The following CALCR variants were observed in gnomAD, a reference collection of about 807,000 sequenced individuals.
CALCR encodes the protein calcitonin receptor.
In CALCR, 47 loss-of-function variants were observed where a neutral mutation model predicts 59.5. That is an observed-to-expected ratio of 0.79 (90% CI 0.63 to 1.01). The LOEUF (loss-of-function observed/expected upper bound fraction) is 1.01, where lower values mean the gene tolerates loss of function less well. CALCR is among the 50% of genes least tolerant of loss of function. The probability of loss-of-function intolerance (pLI) is 0.00; values close to 1 mark genes in which losing one functional copy is unlikely to be tolerated. For synonymous variants in CALCR, 213 were observed against 211.3 expected, an observed-to-expected ratio of 1.01 and a Z score of -0.07; for missense variants, 566 against 597.1, an observed-to-expected ratio of 0.95 and a Z score of 0.54.
At chr7:93,573,960 G>A (rs559957607) in intron 2 of CALCR, among the ~76,000 whole-genome samples, 1 of 151,982 alleles carries the variant, frequency 6.6e-6, no homozygotes, top group Non-Finnish European at 1.5e-5. Flanking sequence ...TTTAACCTCC[G>A]TAATTTTCCT....
At chr7:93,492,777 T>C (rs536826698) in intron 2 of CALCR, among the ~76,000 whole-genome samples, 1 of 151,450 alleles carries the variant, frequency 6.6e-6, no homozygotes, top group East Asian at 1.9e-4. Flanking sequence ...ATAAGATGGT[T>C]ATATAATTTT....
chr7:93,432,594 A>AC (rs1290324610), intron 13 of CALCR, among the ~76,000 whole-genome samples: 1 of 152,192 alleles, frequency 6.6e-6, no homozygotes, highest in Non-Finnish European at 1.5e-5. Context: ...TGAACTCGAG[A>AC]CATTCAATTG....
At chr7:93,559,641 T>C (rs574329269) in intron 2 of CALCR, 6 of 152,050 alleles carry the variant, frequency 3.9e-5, no homozygotes, top group African/African-American at 4.8e-5. Flanking sequence ...ATATTTCTAC[T>C]CATTACTTTT....
intron 13 of CALCR, among the ~76,000 whole-genome samples, chr7:93,427,505 C>A (rs980809384): frequency 6.6e-6 from 1 of 152,170 alleles, no homozygotes; most frequent in African/African-American, 2.4e-5. Flanking sequence ...ATATTTGCAT[C>A]AATTTATGAT....
chr7:93,480,950 A>C (rs896361019), intron 3 of CALCR, among the ~76,000 whole-genome samples: 6 of 151,876 alleles, frequency 4.0e-5, no homozygotes, highest in Non-Finnish European at 7.4e-5. Flanking sequence ...TAAGAAGGTC[A>C]GGACTTTGCT....
intron 9 of CALCR, 126 bp downstream of exon 9, chr7:93,443,478 G>A: frequency 1.2e-6 from 1 of 831,932 alleles, no homozygotes; most frequent in Non-Finnish European, 1.9e-6. Context: ...GCCAGTACCT[G>A]TGTTCCATCA....
At chr7:93,526,394 AGG>A (rs1164943461) in intron 2 of CALCR, among the ~76,000 whole-genome samples, 1 of 152,060 alleles carries the variant, frequency 6.6e-6, no homozygotes, top group African/African-American at 2.4e-5. Context: ...ATAGCAAAGA[AGG>A]GGGGAAAAGG....
chr7:93,449,012 C>A (rs984521306), intron 8 of CALCR, among the ~76,000 whole-genome samples: 2 of 151,904 alleles, frequency 1.3e-5, no homozygotes, highest in Non-Finnish European at 2.9e-5. Context: ...ACCCACTATA[C>A]AAACATATTA....
chr7:93,462,231 T>A (rs2115814616), intron 7 of CALCR: 4 of 550,168 alleles, frequency 7.3e-6, no homozygotes, highest in Non-Finnish European at 9.4e-6. Flanking sequence ...ATAATATTTT[T>A]AAAAATTTAA....
At chr7:93,462,599 T>C (rs1800359138) in intron 7 of CALCR, among the ~76,000 whole-genome samples, 1 of 152,116 alleles carries the variant, frequency 6.6e-6, no homozygotes, top group African/African-American at 2.4e-5. Flanking sequence ...GGATTCATTG[T>C]TTAATTCAGC....
chr7:93,455,273 T>C (rs1800187670), intron 8 of CALCR, among the ~76,000 whole-genome samples: 1 of 152,036 alleles, frequency 6.6e-6, no homozygotes, highest in Non-Finnish European at 1.5e-5. Context: ...ACAGATGACA[T>C]GCTGATAGAT....
intron 2 of CALCR, among the ~76,000 whole-genome samples, chr7:93,499,030 T>C (rs559738314): frequency 6.6e-6 from 1 of 151,818 alleles, no homozygotes; most frequent in South Asian, 2.1e-4. Flanking sequence ...CATGTTACTA[T>C]ATCTTTCTGG....
intron 2 of CALCR, among the ~76,000 whole-genome samples, chr7:93,550,598 A>ACACACAC (rs1789427643): frequency 8.2e-6 from 1 of 121,850 alleles, no homozygotes; most frequent in Non-Finnish European, 1.8e-5. Context: ...ATTTGGGCTA[A>ACACACAC]ACACACACAC....
Position 93,472,432 on chromosome 7 carries a change from G to A in CALCR, c.372C>T (p.Asn124=). 1.2e-6 allele frequency: 2 copies of A among 1,610,694 alleles called. No homozygotes were observed. The highest frequency in any genetic ancestry group is 1.7e-6 in the Non-Finnish European group (2 of 1,177,756). The change falls in exon 6 of 14, where the codon AAC becomes AAT. Residue 124 remains asparagine (N), a synonymous_variant. Transcript: ENST00000426151. ...EKGVWFKHPE[N]NRTWSNYTMC... is the part of the protein sequence containing the mutation. ...TAGTATAGTTGGACCAGGTTCGATTGTTTTCAGGATGTTTAAACCAAACAC... is the reference window on the plus strand; with the variant it reads ...TAGTATAGTTGGACCAGGTTCGATTATTTTCAGGATGTTTAAACCAAACAC...
At chr7:93,542,693 A>G (rs1476847660) in intron 2 of CALCR, among the ~76,000 whole-genome samples, 1 of 131,896 alleles carries the variant, frequency 7.6e-6, no homozygotes, top group Non-Finnish European at 1.8e-5. Flanking sequence ...ACATTTGTAC[A>G]AAAATATTTT....
intron 2 of CALCR, among the ~76,000 whole-genome samples, chr7:93,569,280 C>T (rs541079815): frequency 7.2e-5 from 11 of 152,118 alleles, no homozygotes; most frequent in African/African-American, 9.7e-5. Flanking sequence ...AAGGACCCCC[C>T]ACTATCTTCC....
chr7:93,504,937 C>T (rs1001649712), intron 2 of CALCR, among the ~76,000 whole-genome samples: 1 of 152,238 alleles, frequency 6.6e-6, no homozygotes, highest in East Asian at 1.9e-4. Flanking sequence ...CTCACCTCCT[C>T]TCTGAAGATG....
At chr7:93,428,736 G>C (rs1740829156) in intron 13 of CALCR, among the ~76,000 whole-genome samples, 1 of 147,272 alleles carries the variant, frequency 6.8e-6, no homozygotes, top group Non-Finnish European at 1.5e-5. Context: ...GCAGTGAGCC[G>C]AGATCATGCC....
At chr7:93,527,138 C>T (rs932063912) in intron 2 of CALCR, among the ~76,000 whole-genome samples, 3 of 151,790 alleles carry the variant, frequency 2.0e-5, no homozygotes, top group Non-Finnish European at 4.4e-5. Context: ...TTCAGATTCA[C>T]TCAATAACAT....
Sources: gnomAD v4.1 joint callset for allele counts (sites outside exome capture counted in the v4.1 genomes callset) on GRCh38, gnomAD v4.1.1 for gene constraint, MANE v1.5 for transcripts, NCBI Gene and HGNC (gene_info 2026-07-23, HGNC 2026-07-21) for gene names.